Variants in MADD observed in about 807,000 individuals in gnomAD.
MADD encodes the protein MAP kinase-activating death domain protein.
Under a neutral mutation model 176.7 loss-of-function variants are expected in MADD, and 109 were observed. The ratio of observed to expected loss-of-function variants is 0.62; its 90% CI spans 0.53 to 0.72. MADD has a LOEUF of 0.72. MADD is among the 30% of genes least tolerant of loss of function. The pLI, the probability that MADD is intolerant of heterozygous loss-of-function variation, is 0.00. For synonymous variants in MADD, 771 were observed against 771.3 expected, an observed-to-expected ratio of 1.00 and a Z score of 0.01; for missense variants, 1,914 against 2,045.5, an observed-to-expected ratio of 0.94 and a Z score of 1.24.
chr11:47,281,630 A>G (rs1046169532), exon 8 of MADD: 7 of 1,613,118 alleles, frequency 4.3e-6, no homozygotes, highest in South Asian at 1.1e-5. Flanking sequence ...GAGAAATTTC[A>G]TGAGGGCCAG....
intron 27 of MADD, among the ~76,000 whole-genome samples, chr11:47,317,930 C>A (rs998264792): frequency 6.6e-6 from 1 of 151,944 alleles, no homozygotes; most frequent in African/African-American, 2.4e-5. Flanking sequence ...CCACCACACC[C>A]GGCTAATTTT....
At chr11:47,292,731 G>A (rs1246816803) in intron 19 of MADD, 135 bp downstream of exon 21, 2 of 778,828 alleles carry the variant, frequency 2.6e-6, no homozygotes, top group Non-Finnish European at 4.5e-6. Context: ...GCAGCAGGTA[G>A]GTAGCATGTG....
chr11:47,323,520 C>G (rs1354904282), intron 27 of MADD, 151 bp from the exon 31 acceptor site: 1 of 670,914 alleles, frequency 1.5e-6, no homozygotes, highest in Non-Finnish European at 2.5e-6. Flanking sequence ...GTCAGTAGTT[C>G]TGTTTTGTGT....
intron 7 of MADD, among the ~76,000 whole-genome samples, chr11:47,280,926 C>T (rs1412667856): frequency 1.3e-5 from 2 of 152,228 alleles, no homozygotes; most frequent in East Asian, 3.8e-4. Flanking sequence ...ATCCTGTGTT[C>T]TAACTCCTGC....
At position 47,324,552 on chromosome 11, in the gene MADD, T is replaced by A; in HGVS notation, c.4517T>A (p.Ile1506Asn). The stretch of plus-strand genomic sequence containing the variant: ...CTGCTGCAGGTGACCCTGGAAGGGA[T>A]CAACCTCAAATTCATGCACAATCAG... The change falls in exon 30 of 33, where the codon ATC becomes AAC. Residue 1506 changes from isoleucine to asparagine, a missense_variant. This residue lies in a region of MADD where 147 missense variants were observed against 209.5 expected (regional missense o/e 0.70). Coordinates refer to ENST00000402192, the Ensembl canonical transcript of MADD. 5 of 1,613,668 alleles carry A rather than the reference T, an allele frequency of 3.1e-6. No individual in the cohort carries two copies. The Middle Eastern group carries it at 8.2e-4, about 266-fold the overall frequency.
rs1222914089 is a variant in MADD at position 47,289,504 on chromosome 11, G to A, written c.2756+11G>A. On this transcript the variant is annotated intron_variant, in intron 16 of 32. Coordinates refer to ENST00000402192, the Ensembl canonical transcript of MADD. Reference sequence around the variant, plus strand: ...ATCCAGCAATTCTAGGTAATAAATGGTAGAGCTGTTTTAAAAGTTCTCAGG... The same window carrying A: ...ATCCAGCAATTCTAGGTAATAAATGATAGAGCTGTTTTAAAAGTTCTCAGG... 1.2e-6 allele frequency: 2 copies of A among 1,610,906 alleles called. No individual in the cohort carries two copies. The highest frequency in any genetic ancestry group is 1.7e-6 in the Non-Finnish European group (2 of 1,177,170).
intron 19 of MADD, among the ~76,000 whole-genome samples, chr11:47,291,235 A>G (rs2064990077): frequency 6.6e-6 from 1 of 152,122 alleles, no homozygotes. Context: ...CCATCCAACC[A>G]TTATACTCCT....
chr11:47,319,743 C>T (rs948939238), intron 27 of MADD, among the ~76,000 whole-genome samples: 1 of 152,112 alleles, frequency 6.6e-6, no homozygotes, highest in African/African-American at 2.4e-5. Flanking sequence ...GTAATCCCAG[C>T]ACATTGGGAG....
chr11:47,276,161 G>C, exon 4 of MADD: 1 of 1,613,860 alleles, frequency 6.2e-7, no homozygotes, highest in Non-Finnish European at 8.5e-7. Context: ...AGGTGTGGAC[G>C]CCTGTCTCCA....
At chr11:47,270,454 A>G (rs1041592408) in intron 1 of MADD, among the ~76,000 whole-genome samples, 6 of 135,006 alleles carry the variant, frequency 4.4e-5, no homozygotes, top group Admixed American at 3.2e-4. Context: ...GGCTCAGGCT[A>G]CTGGGCTTGG....
chr11:47,278,299 A>G (rs774123496), intron 6 of MADD, 21 bp downstream of exon 6: 33 of 1,551,886 alleles, frequency 2.1e-5, no homozygotes, highest in South Asian at 4.5e-5. Context: ...TGGCTGAGGC[A>G]TTGTAGAGTC....
chr11:47,288,932 G>T, intron 15 of MADD, 36 bp from the exon 16 acceptor site: 1 of 1,495,826 alleles, frequency 6.7e-7, no homozygotes, highest in Non-Finnish European at 9.2e-7. Flanking sequence ...TTGCGGTATT[G>T]TGGTACACCT....
intron 26 of MADD, among the ~76,000 whole-genome samples, chr11:47,313,310 CTTT>C (rs1215130526): frequency 6.9e-6 from 1 of 144,676 alleles, no homozygotes. Flanking sequence ...TATTTTCTTT[CTTT>C]TTTTTTTTTT....
exon 32 of MADD, chr11:47,328,668 TAAA>T (rs1014515337): frequency 6.8e-6 from 11 of 1,614,188 alleles, no homozygotes; most frequent in Non-Finnish European, 9.3e-6. Flanking sequence ...TTCCTGAAAT[TAAA>T]GAAGTGGTGA....
intron 22 of MADD, among the ~76,000 whole-genome samples, chr11:47,301,333 G>A (rs1291763138): frequency 1.3e-5 from 2 of 151,984 alleles, no homozygotes; most frequent in African/African-American, 4.8e-5. Context: ...GGCCAGGCTG[G>A]TCTCAAACTC....
intron 25 of MADD, among the ~76,000 whole-genome samples, chr11:47,311,310 C>T (rs1020421583): frequency 2.0e-5 from 3 of 152,162 alleles, no homozygotes; most frequent in Non-Finnish European, 2.9e-5. Context: ...TACCAGTTGA[C>T]TCTGGCTGAG....
intron 31 of MADD, 33 bp downstream of exon 35, chr11:47,326,840 T>C: frequency 6.2e-7 from 1 of 1,613,254 alleles, no homozygotes; most frequent in Non-Finnish European, 8.5e-7. Flanking sequence ...AGGTCTGGAC[T>C]CACATGGCAG....
chr11:47,294,222 G>T lies in MADD; in HGVS notation c.3402+239G>T, dbSNP rs547939371. ...AAATTAGCCAGGCATGGTGGCGCAT[G>T]CCTGTAATCCCAGCTACTCGGGAGG... On this transcript the variant is annotated intron_variant, in intron 20 of 32. Coordinates refer to ENST00000402192, the Ensembl canonical transcript of MADD. Among the ~76,000 whole-genome samples the T allele has an allele frequency of 3.9e-5, 6 of 151,946 alleles. No individual in the cohort carries two copies. The South Asian group carries it at 1.2e-3, about 32-fold the overall frequency.
At chr11:47,297,114 A>C (rs2073126151) in intron 22 of MADD, among the ~76,000 whole-genome samples, 1 of 152,146 alleles carries the variant, frequency 6.6e-6, no homozygotes, top group African/African-American at 2.4e-5. Context: ...ACACTGATAG[A>C]CTTGTTACTT....
Sources: gnomAD v4.1 joint callset for allele counts (sites outside exome capture counted in the v4.1 genomes callset) on GRCh38, gnomAD v4.1.1 for gene constraint, gnomAD v4.1.1 regional missense constraint, MANE v1.5 for transcripts, NCBI Gene and HGNC (gene_info 2026-07-23, HGNC 2026-07-21) for gene names.